The following FHOD3 variants were observed in gnomAD, a reference collection of about 807,000 sequenced individuals.
The protein encoded by FHOD3 is formin homology 2 domain containing 3.
A neutral mutation model predicts 173.0 loss-of-function variants in FHOD3; 90 were observed. That is an observed-to-expected ratio of 0.52 (90% CI 0.44 to 0.62). The LOEUF (loss-of-function observed/expected upper bound fraction) is 0.62, where lower values mean the gene tolerates loss of function less well. Among genes scored for constraint, FHOD3 ranks in the 20% least tolerant of loss-of-function variants. The pLI is 0.00. For missense variants in FHOD3, 1,945 were observed against 2,034.7 expected (o/e 0.96, Z 0.85); for synonymous variants, 828 against 823.0 (o/e 1.01, Z -0.10).
At chr18:36,300,174 G>T (rs1382936258) in intron 1 of FHOD3, among the ~76,000 whole-genome samples, 1 of 152,156 alleles carries the variant, frequency 6.6e-6, no homozygotes, top group Admixed American at 6.5e-5. Context: ...GTGAGGGAGA[G>T]TGACTAAATG....
At chr18:36,777,708 G>A (rs2043782502) in intron 28 of FHOD3, 2 of 152,152 alleles carry the variant, frequency 1.3e-5, no homozygotes, top group Admixed American at 1.3e-4. Flanking sequence ...TCAGTTGAAT[G>A]TAATCTGTCT....
At chr18:36,595,287 C>T (rs1202502295) in intron 7 of FHOD3, among the ~76,000 whole-genome samples, 1 of 152,134 alleles carries the variant, frequency 6.6e-6, no homozygotes, top group Non-Finnish European at 1.5e-5. Flanking sequence ...CTAGAACCTT[C>T]TCCCTTCCTC....
chr18:36,392,655 T>C (rs2048359128), intron 3 of FHOD3, among the ~76,000 whole-genome samples: 1 of 151,310 alleles, frequency 6.6e-6, no homozygotes. Flanking sequence ...AGGACTTTCC[T>C]GGGGCCAAGC....
chr18:36,567,548 G>T (rs1354097754), intron 5 of FHOD3, among the ~76,000 whole-genome samples: 2 of 152,180 alleles, frequency 1.3e-5, no homozygotes, highest in South Asian at 2.1e-4. Context: ...CTATTCAATT[G>T]TCCTTCCCAA....
At chr18:36,329,733 T>A (rs922897645) in intron 1 of FHOD3, among the ~76,000 whole-genome samples, 2 of 152,030 alleles carry the variant, frequency 1.3e-5, no homozygotes, top group East Asian at 1.9e-4. Context: ...AGTGAGCAGG[T>A]TCCCAGCAAT....
intron 3 of FHOD3, among the ~76,000 whole-genome samples, chr18:36,495,416 CAT>C (rs2054693706): frequency 6.6e-6 from 1 of 152,166 alleles, no homozygotes; most frequent in Admixed American, 6.5e-5. Context: ...CCCTCACTAA[CAT>C]GTGTTCATGG....
At chr18:36,385,899 G>C (rs2048008512) in intron 3 of FHOD3, among the ~76,000 whole-genome samples, 1 of 152,200 alleles carries the variant, frequency 6.6e-6, no homozygotes, top group African/African-American at 2.4e-5. Flanking sequence ...GGAGGAGGAA[G>C]CTCCTGAGTG....
intron 9 of FHOD3, among the ~76,000 whole-genome samples, chr18:36,618,142 G>A (rs1224225697): frequency 6.7e-6 from 1 of 149,258 alleles, no homozygotes; most frequent in Non-Finnish European, 1.5e-5. Context: ...CTGCTTTTCT[G>A]TTTTGTAACT....
At position 36,769,307 on chromosome 18, in the gene FHOD3, A is replaced by G. The variant is rs139930679; in HGVS notation, c.4667A>G (p.Asn1556Ser). Residue 1556 changes from asparagine (N) to serine (S), a missense_variant, in exon 28 of 29, where the codon AAT (asparagine) becomes AGT (serine). Coordinates refer to ENST00000590592, the MANE Select transcript of FHOD3 (RefSeq NM_001281740.3). ...SWTMGTDDSP[N>S]VTDDAADEIM... ...ACTATGGGAACTGATGACTCGCCCA[A>G]TGTCACAGATGATGCAGCTGATGAG... The G allele has an allele frequency of 1.1e-4, 180 of 1,614,198 alleles. No homozygotes were observed. The highest frequency in any genetic ancestry group is 4.9e-4 in the East Asian group (22 of 44,878).
At position 36,724,351 on chromosome 18, in the gene FHOD3, C is replaced by T. The variant is rs544437939; in HGVS notation, c.3417+5636C>T. Among the ~76,000 whole-genome samples, 3 of 152,320 alleles carry T rather than the reference C, an allele frequency of 2.0e-5. No individual in the cohort carries two copies. The South Asian group carries it at 6.2e-4, about 32-fold the overall frequency. On this transcript the variant is annotated intron_variant, in intron 19 of 28. Transcript: ENST00000590592. ...TGGCTGAGTTTGCAGGCTCCTGCCT[C>T]CTGGGGCTGCTGGTTCTAGAAAGCG...
intron 1 of FHOD3, among the ~76,000 whole-genome samples, chr18:36,321,991 C>T (rs1358204438): frequency 6.6e-6 from 1 of 152,064 alleles, no homozygotes; most frequent in Non-Finnish European, 1.5e-5. Context: ...GGCCACCTGG[C>T]TGTAGGACAC....
At chr18:36,460,547 C>T (rs1473885855) in intron 3 of FHOD3, among the ~76,000 whole-genome samples, 2 of 152,156 alleles carry the variant, frequency 1.3e-5, no homozygotes, top group Admixed American at 6.5e-5. Flanking sequence ...TGAAGAGGCC[C>T]CACAAGCTGT....
intron 8 of FHOD3, among the ~76,000 whole-genome samples, chr18:36,610,659 T>TA (rs2148605824): frequency 6.6e-6 from 1 of 152,326 alleles, no homozygotes; most frequent in East Asian, 1.9e-4. Flanking sequence ...TTATTCGAGT[T>TA]ATGAATAGAG....
At chr18:36,558,980 T>G (rs2147580983) in intron 5 of FHOD3, among the ~76,000 whole-genome samples, 1 of 151,066 alleles carries the variant, frequency 6.6e-6, no homozygotes, top group Non-Finnish European at 1.5e-5. Flanking sequence ...CAGCCCTGCC[T>G]CCTCTGACAA....
At chr18:36,462,230 G>T (rs1031668389) in intron 3 of FHOD3, among the ~76,000 whole-genome samples, 9 of 152,050 alleles carry the variant, frequency 5.9e-5, no homozygotes, top group African/African-American at 2.2e-4. Flanking sequence ...TTGTGGCTTT[G>T]GTGAAGCCAG....
At chr18:36,379,337 C>T (rs143046411) in intron 3 of FHOD3, among the ~76,000 whole-genome samples, 6 of 152,220 alleles carry the variant, frequency 3.9e-5, no homozygotes, top group Middle Eastern at 6.8e-3. Context: ...GGGTCTCTTA[C>T]GACAGCTTCA....
chr18:36,568,920 T>A (rs1284946245), intron 5 of FHOD3, among the ~76,000 whole-genome samples: 10 of 152,188 alleles, frequency 6.6e-5, no homozygotes, highest in Admixed American at 6.5e-4. Context: ...CAGTTTTTAA[T>A]GCAGCCATTA....
At chr18:36,491,893 C>T (rs2054493787) in intron 3 of FHOD3, among the ~76,000 whole-genome samples, 1 of 152,242 alleles carries the variant, frequency 6.6e-6, no homozygotes, top group East Asian at 1.9e-4. Flanking sequence ...GGGTGGGGGA[C>T]ATCTTGGATG....
At chr18:36,568,931 T>G (rs1286285189) in intron 5 of FHOD3, among the ~76,000 whole-genome samples, 1 of 152,146 alleles carries the variant, frequency 6.6e-6, no homozygotes, top group Non-Finnish European at 1.5e-5. Context: ...GCAGCCATTA[T>G]GAAAATGCTT....
Sources: allele counts gnomAD v4.1 joint callset (sites outside exome capture counted in the v4.1 genomes callset), GRCh38; gene constraint gnomAD v4.1.1; transcripts MANE v1.5; gene names NCBI Gene and HGNC (gene_info 2026-07-23, HGNC 2026-07-21).